The following MED20 variants were observed in gnomAD, a reference collection of about 807,000 sequenced individuals.
The protein encoded by MED20 is mediator of RNA polymerase II transcription subunit 20.
MED20 carries 19 observed loss-of-function variants against 19.7 expected under a neutral mutation model. The ratio of observed to expected loss-of-function variants is 0.96; its 90% CI spans 0.67 to 1.42. The LOEUF is 1.42. Among genes scored for constraint, MED20 ranks in the 40% most tolerant of loss-of-function variants. MED20 has a pLI of 0.00. For missense variants in MED20, 225 were observed against 273.0 expected (o/e 0.82, Z 1.24); for synonymous variants, 105 against 104.8 (o/e 1.00, Z -0.01).
intron 2 of MED20, among the ~76,000 whole-genome samples, chr6:41,914,984 A>C (rs373562182): frequency 1.2e-4 from 19 of 152,226 alleles, no homozygotes; most frequent in African/African-American, 4.1e-4. Flanking sequence ...TGGATTGTTA[A>C]ATGTAGATTA....
intron 1 of MED20, among the ~76,000 whole-genome samples, chr6:41,919,835 A>C (rs1247788498): frequency 6.6e-6 from 1 of 152,184 alleles, no homozygotes; most frequent in Non-Finnish European, 1.5e-5. Context: ...TCCATTCCTC[A>C]CATATCTTGC....
rs1775064727 is a variant in MED20, at chr6:41,906,928, A to C, written c.*144T>G. The C allele has an allele frequency of 2.8e-6, 2 of 715,254 alleles. No individual in the cohort carries two copies. Among genetic ancestry groups the C allele is most frequent in the Non-Finnish European group, 4.6e-6 (2 of 436,468 alleles). The allele number at this position is 715,254 out of a possible 1,614,324, so 44.3% of individuals were successfully genotyped here. A position where few individuals can be genotyped will look rare whatever the true frequency, so the allele number is the denominator to read the frequency against. On this transcript the variant is annotated 3_prime_UTR_variant, in exon 4 of 4. Coordinates refer to ENST00000265350, the MANE Select transcript of MED20 (RefSeq NM_004275.5). ...GTTGGGGAGGGGACTCAGCCCCAGAACAAAAGCCACAGCTGAGAACCAGAG... is the reference window on the plus strand; with the variant it reads ...GTTGGGGAGGGGACTCAGCCCCAGACCAAAAGCCACAGCTGAGAACCAGAG...
In MED20 at chr6:41,907,171, A is replaced by T; in HGVS notation, c.540T>A (p.His180Gln). Residue 180 changes from histidine to glutamine, a missense_variant, in exon 4 of 4, where the codon CAT (histidine) becomes CAA (glutamine). His to Gln is a conservative substitution (Grantham distance 24). Coordinates refer to ENST00000265350, the MANE Select transcript of MED20 (RefSeq NM_004275.5). ...PGAPAVFGNR[H>Q]DAVYGPADTM... Reference sequence around the variant, plus strand: ...TATCTGCTGGGCCGTAGACCGCATCATGTCTGTTCCCAAACACTGCGGGAG... The same window carrying T: ...TATCTGCTGGGCCGTAGACCGCATCTTGTCTGTTCCCAAACACTGCGGGAG... The T allele has an allele frequency of 6.2e-7, 1 of 1,614,044 alleles. No homozygotes were observed. Among genetic ancestry groups the T allele is most frequent in the Non-Finnish European group, 8.5e-7 (1 of 1,180,006 alleles).
intron 1 of MED20, 76 bp downstream of exon 1, chr6:41,920,929 C>T (rs140553051): frequency 1.0e-5 from 16 of 1,547,850 alleles, no homozygotes; most frequent in Non-Finnish European, 1.4e-5. Flanking sequence ...CAGAGGACGG[C>T]GGACCATGGT....
chr6:41,907,321 T>A (rs748060317), intron 3 of MED20, 34 bp from the exon 4 acceptor site: 7 of 1,573,778 alleles, frequency 4.4e-6, no homozygotes, highest in Middle Eastern at 1.7e-4. Context: ...TGAGGGTGAA[T>A]GAAGGCTAAG....
chr6:41,919,128 CAAAAAAAAAA>C (rs35512146), intron 1 of MED20, among the ~76,000 whole-genome samples: 739 of 44,910 alleles, frequency 0.016, 6 homozygotes, highest in South Asian at 0.054. Context: ...GACTCTGCCT[CAAAAAAAAAA>C]AAAAAAAAAA....
chr6:41,918,318 A>G (rs1775368991), intron 1 of MED20, among the ~76,000 whole-genome samples: 1 of 151,634 alleles, frequency 6.6e-6, no homozygotes, highest in Admixed American at 6.6e-5. Flanking sequence ...AGCCTAGCCA[A>G]CATGGTGAAA....
At position 41,907,048 on chromosome 6, in the gene MED20, A is replaced by G. The variant is rs1775068271; in HGVS notation, c.*24T>C. The G allele has an allele frequency of 6.2e-7, 1 of 1,609,292 alleles. No homozygotes were observed. The highest frequency in any genetic ancestry group is 8.5e-7 in the Non-Finnish European group (1 of 1,177,412). ...TCCTGTGGAGTACCCCTGGTGACAG[A>G]GCTCAGCTGGCAGCTGCTCATCACT... is the stretch of plus-strand genomic sequence containing the variant. On this transcript the variant is annotated 3_prime_UTR_variant, in exon 4 of 4. Coordinates refer to ENST00000265350, the MANE Select transcript of MED20 (RefSeq NM_004275.5).
rs1256835254 is a variant in MED20 at position 41,917,600 on chromosome 6, G to C, written c.15-661C>G. On this transcript the variant is annotated intron_variant, in intron 1 of 3. Coordinates refer to ENST00000265350, the MANE Select transcript of MED20 (RefSeq NM_004275.5). ...TCTAAGAACTGGAGCACAGTTCTCA[G>C]GATTCTCGCACCAGGGCAATGAACT... The C allele has an allele frequency of 1.6e-5, 6 of 365,182 alleles. No individual in the cohort carries two copies. The Admixed American group carries it at 1.9e-4, about 11-fold the overall frequency. The allele number at this position is 365,182 out of a possible 1,614,324, so 22.6% of individuals were successfully genotyped here. A position where few individuals can be genotyped will look rare whatever the true frequency, so the allele number is the denominator to read the frequency against.
At chr6:41,916,634 A>G in intron 2 of MED20, 151 bp downstream of exon 2, 1 of 910,942 alleles carries the variant, frequency 1.1e-6, no homozygotes, top group South Asian at 1.8e-5. Flanking sequence ...TCTAAGAGAT[A>G]AAGAACCAAG....
chr6:41,916,700 A>G (rs1775323158), intron 2 of MED20, 85 bp downstream of exon 2: 6 of 1,520,808 alleles, frequency 3.9e-6, no homozygotes, highest in Non-Finnish European at 5.4e-6. Flanking sequence ...CACCTTTAGC[A>G]GAAAAGCAGA....
chr6:41,906,988 T>G lies in MED20; in HGVS notation c.*84A>C. On this transcript the variant is annotated 3_prime_UTR_variant, in exon 4 of 4. Transcript: ENST00000265350. ...AGAGTCCATGTCTACCCTGGGTTTC[T>G]GGGGTCCAGGGACCTGAAAGTCAGC... is the stretch of plus-strand genomic sequence containing the variant. 1 of 1,272,020 alleles carries G rather than the reference T, an allele frequency of 7.9e-7. No homozygotes were observed. Among genetic ancestry groups the G allele is most frequent in the Non-Finnish European group, 1.1e-6 (1 of 893,048 alleles). The allele number at this position is 1,272,020 out of a possible 1,614,324, so 78.8% of individuals were successfully genotyped here. A position where few individuals can be genotyped will look rare whatever the true frequency, so the allele number is the denominator to read the frequency against.
At chr6:41,917,911 A>C (rs1239007137) in intron 1 of MED20, 1 of 381,734 alleles carries the variant, frequency 2.6e-6, no homozygotes. Context: ...GTGCTATTCA[A>C]CAGCCCTAGG....
At chr6:41,909,676 G>A (rs1775144400) in intron 2 of MED20, among the ~76,000 whole-genome samples, 154 bp from the exon 3 acceptor site, 1 of 152,190 alleles carries the variant, frequency 6.6e-6, no homozygotes, top group South Asian at 2.1e-4. Flanking sequence ...CTCACTGACA[G>A]CCTTTTCTAG....
chr6:41,912,352 CTTT>C (rs70987544), intron 2 of MED20, among the ~76,000 whole-genome samples: 106 of 87,622 alleles, frequency 1.2e-3, no homozygotes, highest in Middle Eastern at 5.8e-3. Context: ...GACCATAGTA[CTTT>C]TTTTTTTTTT....
At chr6:41,915,354 C>T (rs1276037155) in intron 2 of MED20, among the ~76,000 whole-genome samples, 3 of 152,112 alleles carry the variant, frequency 2.0e-5, no homozygotes, top group South Asian at 2.1e-4. Context: ...ATCAGCCAGG[C>T]ATGGTGGCAC....
At chr6:41,918,721 G>A (rs1775380098) in intron 1 of MED20, among the ~76,000 whole-genome samples, 1 of 151,576 alleles carries the variant, frequency 6.6e-6, no homozygotes, top group African/African-American at 2.4e-5. Flanking sequence ...GCCGAGGCGG[G>A]TGGATCATGA....
At position 41,906,819 on chromosome 6, in the gene MED20, T is replaced by C. The variant is rs1431402812; in HGVS notation, c.*253A>G. ...AAGGTCCAAACTTCTCCACTCTTCA[T>C]AATTACCATTCTTGAGGACAGGCCA... On this transcript the variant is annotated 3_prime_UTR_variant, in exon 4 of 4. Transcript: ENST00000265350. 2 of 482,456 alleles carry C rather than the reference T, an allele frequency of 4.1e-6. No individual in the cohort carries two copies. Among genetic ancestry groups the C allele is most frequent in the Admixed American group, 3.3e-5 (1 of 30,560 alleles). The allele number at this position is 482,456 out of a possible 1,614,324, so 29.9% of individuals were successfully genotyped here. A position where few individuals can be genotyped will look rare whatever the true frequency, so the allele number is the denominator to read the frequency against.
chr6:41,915,197 G>A (rs1394922414), intron 2 of MED20, among the ~76,000 whole-genome samples: 2 of 152,184 alleles, frequency 1.3e-5, no homozygotes, highest in Admixed American at 6.5e-5. Flanking sequence ...ACTTTGGGAG[G>A]CCTATGTTGG....
Sources: gnomAD v4.1 joint callset for allele counts (sites outside exome capture counted in the v4.1 genomes callset) on GRCh38, gnomAD v4.1.1 for gene constraint, MANE v1.5 for transcripts, NCBI Gene and HGNC (gene_info 2026-07-23, HGNC 2026-07-21) for gene names.